The following DGKB variants were observed in gnomAD, a reference collection of about 807,000 sequenced individuals.
DGKB encodes diacylglycerol kinase beta.
In DGKB, 67 loss-of-function variants were observed where a neutral mutation model predicts 114.3. That is an observed-to-expected ratio of 0.59 (90% CI 0.48 to 0.72). DGKB has a LOEUF of 0.72. Ranked by LOEUF, DGKB falls within the 30% of genes least tolerant of loss-of-function variation. The probability of loss-of-function intolerance (pLI) is 0.00; values close to 1 mark genes in which losing one functional copy is unlikely to be tolerated. For synonymous variants in DGKB, 398 were observed against 323.1 expected, an observed-to-expected ratio of 1.23 and a Z score of -2.49; for missense variants, 907 against 975.2, an observed-to-expected ratio of 0.93 and a Z score of 0.93.
intron 25 of DGKB, among the ~76,000 whole-genome samples, chr7:14,168,667 G>A (rs534755618): frequency 6.6e-6 from 1 of 152,300 alleles, no homozygotes; most frequent in South Asian, 2.1e-4. Flanking sequence ...AGTATGAAGG[G>A]GAATTAAAGA....
chr7:14,319,246 C>G (rs1209600400), intron 23 of DGKB, among the ~76,000 whole-genome samples: 2 of 150,830 alleles, frequency 1.3e-5, no homozygotes, highest in Non-Finnish European at 2.9e-5. Flanking sequence ...ATGTAACTAA[C>G]CTGCACAATG....
intron 23 of DGKB, among the ~76,000 whole-genome samples, chr7:14,335,960 G>GA (rs1810573167): frequency 6.6e-6 from 1 of 152,016 alleles, no homozygotes; most frequent in Admixed American, 6.6e-5. Context: ...CCTAGGCTGG[G>GA]CTTGAACTCC....
intron 20 of DGKB, among the ~76,000 whole-genome samples, chr7:14,560,471 G>C (rs1796492952): frequency 6.6e-6 from 1 of 152,050 alleles, no homozygotes; most frequent in South Asian, 2.1e-4. Flanking sequence ...TTGTCTTTCT[G>C]TGGTGGGTTT....
At chr7:14,362,527 G>T (rs748307290) in intron 21 of DGKB, among the ~76,000 whole-genome samples, 2 of 151,886 alleles carry the variant, frequency 1.3e-5, no homozygotes, top group Non-Finnish European at 2.9e-5. Flanking sequence ...TAAAGTTTCT[G>T]CCCTCATATT....
chr7:14,854,857 G>A (rs1297840482), intron 1 of DGKB, among the ~76,000 whole-genome samples: 1 of 152,132 alleles, frequency 6.6e-6, no homozygotes, highest in African/African-American at 2.4e-5. Flanking sequence ...GGTCTACTCT[G>A]TGTTACGTGG....
chr7:14,272,627 C>CT (rs930697298), intron 23 of DGKB, among the ~76,000 whole-genome samples: 31 of 152,118 alleles, frequency 2.0e-4, no homozygotes, highest in African/African-American at 7.0e-4. Flanking sequence ...GGTCACTCTA[C>CT]TTTTTTTGCT....
At chr7:14,920,208 A>G (rs1236800386) in intron 1 of DGKB, among the ~76,000 whole-genome samples, 1 of 152,350 alleles carries the variant, frequency 6.6e-6, no homozygotes, top group South Asian at 2.1e-4. Context: ...TGTTAAGAGA[A>G]TAAAAAGATA....
At chr7:14,608,239 A>G (rs920388241) in intron 16 of DGKB, among the ~76,000 whole-genome samples, 2 of 152,104 alleles carry the variant, frequency 1.3e-5, no homozygotes, top group Admixed American at 6.6e-5. Flanking sequence ...TTAATTTACC[A>G]CAATCAGTTA....
At chr7:14,481,013 AATT>A (rs1782908224) in intron 20 of DGKB, among the ~76,000 whole-genome samples, 1 of 151,868 alleles carries the variant, frequency 6.6e-6, no homozygotes, top group Non-Finnish European at 1.5e-5. Context: ...CTTTATTTTT[AATT>A]AATTAAAAAA....
chr7:14,832,581 G>A (rs924056419), intron 2 of DGKB, among the ~76,000 whole-genome samples: 60 of 152,128 alleles, frequency 3.9e-4, no homozygotes, highest in African/African-American at 1.4e-3. Context: ...CTCGGGATGC[G>A]TTTTGGTTAT....
chr7:14,588,834 C>G (rs1801207274), intron 17 of DGKB, among the ~76,000 whole-genome samples: 1 of 152,044 alleles, frequency 6.6e-6, no homozygotes, highest in African/African-American at 2.4e-5. Context: ...GTCCATATCT[C>G]AGGGCATGAA....
intron 20 of DGKB, among the ~76,000 whole-genome samples, chr7:14,557,267 T>C (rs1389895926): frequency 6.6e-6 from 1 of 152,230 alleles, no homozygotes; most frequent in Non-Finnish European, 1.5e-5. Flanking sequence ...CCATTTCTTC[T>C]ATATAAAAAA....
chr7:14,597,687 G>A (rs1802823620), intron 17 of DGKB, among the ~76,000 whole-genome samples: 1 of 152,022 alleles, frequency 6.6e-6, no homozygotes, highest in South Asian at 2.1e-4. Context: ...ACTGGCTGAA[G>A]GACTGTTGTC....
chr7:14,698,070 A>G (rs748955058), intron 8 of DGKB, 25 bp downstream of exon 8: 1 of 1,344,318 alleles, frequency 7.4e-7, no homozygotes, highest in Non-Finnish European at 1.0e-6. Flanking sequence ...AATTTAGCCA[A>G]TAGTGAAATC....
intron 1 of DGKB, among the ~76,000 whole-genome samples, chr7:14,854,406 A>C (rs1562726323): frequency 6.6e-6 from 1 of 152,166 alleles, no homozygotes; most frequent in Non-Finnish European, 1.5e-5. Context: ...GGCACCAGGG[A>C]CCGGTTTCGT....
rs1304479200 is a variant in DGKB, at chr7:14,718,537, C to T, written c.466+5G>A. ...GATAAGTAAACAAAATGAAGAAACACATACACTCAAGCTTATCCTCAGGTC... is the reference window on the plus strand; with the variant it reads ...GATAAGTAAACAAAATGAAGAAACATATACACTCAAGCTTATCCTCAGGTC... On this transcript the variant is annotated splice_donor_5th_base_variant and intron_variant, in intron 6 of 25. Transcript: ENST00000402815. 4 of 1,605,848 alleles carry T rather than the reference C, an allele frequency of 2.5e-6. No individual in the cohort carries two copies. The highest frequency in any genetic ancestry group is 3.4e-6 in the Non-Finnish European group (4 of 1,177,266).
chr7:14,492,762 G>T (rs901138929), intron 20 of DGKB, among the ~76,000 whole-genome samples: 11 of 152,004 alleles, frequency 7.2e-5, no homozygotes, highest in Admixed American at 7.2e-4. Context: ...TAAGGGCCAA[G>T]AAATTTAAAT....
At chr7:14,804,220 T>C (rs1177255760) in intron 2 of DGKB, among the ~76,000 whole-genome samples, 1 of 152,026 alleles carries the variant, frequency 6.6e-6, no homozygotes, top group Non-Finnish European at 1.5e-5. Flanking sequence ...GTTAATTTGC[T>C]TGACAATTTT....
chr7:14,508,650 T>C (rs1787488708), intron 20 of DGKB, among the ~76,000 whole-genome samples: 1 of 152,206 alleles, frequency 6.6e-6, no homozygotes, highest in African/African-American at 2.4e-5. Flanking sequence ...ATAAGGACAA[T>C]TCCTATTAAA....
Sources: allele counts gnomAD v4.1 joint callset (sites outside exome capture counted in the v4.1 genomes callset), GRCh38; gene constraint gnomAD v4.1.1; transcripts MANE v1.5; gene names NCBI Gene and HGNC (gene_info 2026-07-23, HGNC 2026-07-21).